Variants in WWP2 observed in about 807,000 individuals in gnomAD.
WWP2 encodes the protein WW domain containing E3 ubiquitin protein ligase 2.
In WWP2, 57 loss-of-function variants were observed where a neutral mutation model predicts 121.0. That is an observed-to-expected ratio of 0.47 (90% CI 0.38 to 0.59). The LOEUF (loss-of-function observed/expected upper bound fraction) is 0.59, where lower values mean the gene tolerates loss of function less well. Ranked by LOEUF, WWP2 falls within the 20% of genes least tolerant of loss-of-function variation. WWP2 has a pLI of 0.00. For missense variants in WWP2, 962 were observed against 1,158.9 expected (o/e 0.83, Z 2.47); for synonymous variants, 449 against 441.3 (o/e 1.02, Z -0.22).
chr16:69,764,414 A>G (rs1567650247), intron 1 of WWP2, among the ~76,000 whole-genome samples: 2 of 152,074 alleles, frequency 1.3e-5, no homozygotes, highest in South Asian at 2.1e-4. Flanking sequence ...GCTGTTTTCA[A>G]ACTCCGGGGC....
At chr16:69,828,292 C>G (rs751697149) in intron 4 of WWP2, among the ~76,000 whole-genome samples, 7 of 152,174 alleles carry the variant, frequency 4.6e-5, no homozygotes, top group Non-Finnish European at 7.4e-5. Flanking sequence ...TCCCAGGAAC[C>G]CTTCTTGATC....
intron 4 of WWP2, among the ~76,000 whole-genome samples, chr16:69,825,053 T>C (rs2056660487): frequency 6.6e-6 from 1 of 152,000 alleles, no homozygotes; most frequent in Non-Finnish European, 1.5e-5. Context: ...TGAGCCACTG[T>C]GCTCGGCCTT....
In WWP2 at chr16:69,876,699, G is replaced by T. The variant is rs113860978; in HGVS notation, c.703+4768G>T. 3.0e-3 allele frequency among the ~76,000 whole-genome samples: 464 copies of T among 152,260 alleles called. 8 individuals are homozygous for T. Among genetic ancestry groups the T allele is most frequent in the African/African-American group, 0.01 (424 of 41,528 alleles). ...TTTCTTAAATAGTAAGACTTGAAAG[G>T]CAAGATGACTCCTTGATCCATGGGC... On this transcript the variant is annotated intron_variant, in intron 7 of 23. Coordinates refer to ENST00000359154, the MANE Select transcript of WWP2 (RefSeq NM_001270454.2).
intron 8 of WWP2, among the ~76,000 whole-genome samples, chr16:69,902,306 G>T (rs554848024): frequency 6.6e-6 from 1 of 152,186 alleles, no homozygotes. Context: ...GGATTGGGAC[G>T]TAGGGTTGGA....
intron 8 of WWP2, among the ~76,000 whole-genome samples, chr16:69,891,801 T>A (rs2058032969): frequency 6.6e-6 from 1 of 152,098 alleles, no homozygotes; most frequent in South Asian, 2.1e-4. Context: ...ATCTTACCCA[T>A]CCCATCCGGG....
intron 1 of WWP2, among the ~76,000 whole-genome samples, chr16:69,766,115 G>A (rs2038723360): frequency 6.6e-6 from 1 of 152,002 alleles, no homozygotes; most frequent in Admixed American, 6.6e-5. Flanking sequence ...ACAAAATTGA[G>A]CCCTACACCT....
chr16:69,905,240 T>C (rs1018460334), intron 8 of WWP2, among the ~76,000 whole-genome samples: 2 of 152,268 alleles, frequency 1.3e-5, no homozygotes, highest in African/African-American at 2.4e-5. Flanking sequence ...TTTTGTCTAA[T>C]GTTTGTCTTT....
At position 69,840,188 on chromosome 16, in the gene WWP2, G is replaced by T; in HGVS notation, c.403G>T (p.Gly135Ter). 1 of 1,614,252 alleles carries T rather than the reference G, an allele frequency of 6.2e-7. No homozygotes were observed. Among genetic ancestry groups the T allele is most frequent in the Non-Finnish European group, 8.5e-7 (1 of 1,180,050 alleles). ...TENKGSVVSG[G>*]ELTIFLDGPT... ...GAACAAAGGCAGCGTTGTCTCAGGC[G>T]GAGAGCTGACAATTTTCCTGGACGG... The change falls in exon 5 of 24, where the codon GGA becomes TGA. Residue 135 changes from glycine to a stop codon, truncating the protein, a stop_gained. Coordinates refer to ENST00000359154, the MANE Select transcript of WWP2 (RefSeq NM_001270454.2). LOFTEE classifies it high-confidence loss of function.
intron 9 of WWP2, chr16:69,909,408 G>A: frequency 1.0e-6 from 1 of 985,798 alleles, no homozygotes. Flanking sequence ...CCCCTGCCCT[G>A]AGTTTGTGGA....
Position 69,908,857 on chromosome 16 carries a change from C to T in WWP2, c.1004+7C>T, listed in dbSNP as rs756927331. 1 of 1,614,164 alleles carries T rather than the reference C, an allele frequency of 6.2e-7. No individual in the cohort carries two copies. The highest frequency in any genetic ancestry group is 8.5e-7 in the Non-Finnish European group (1 of 1,180,022). On this transcript the variant is annotated splice_region_variant and intron_variant, in intron 9 of 23. Coordinates refer to ENST00000359154, the MANE Select transcript of WWP2 (RefSeq NM_001270454.2). ...AGCGGCCCCTTCCTCCAGGGTAGGT[C>T]ATCAACTGAGAAGACCTGAGACTCT...
At chr16:69,792,380 T>C (rs1311004062) in intron 2 of WWP2, among the ~76,000 whole-genome samples, 1 of 152,202 alleles carries the variant, frequency 6.6e-6, no homozygotes, top group Admixed American at 6.6e-5. Context: ...CAGTGTATAA[T>C]TTTGTCTTTA....
chr16:69,842,637 A>G (rs1786871831), intron 6 of WWP2, among the ~76,000 whole-genome samples: 1 of 152,154 alleles, frequency 6.6e-6, no homozygotes, highest in South Asian at 2.1e-4. Flanking sequence ...CTCTCCGGCT[A>G]TATTCATGTC....
intron 9 of WWP2, among the ~76,000 whole-genome samples, chr16:69,914,400 A>T (rs1597153603): frequency 7.3e-6 from 1 of 136,996 alleles, no homozygotes; most frequent in Admixed American, 7.6e-5. Context: ...CCTAGAAAGG[A>T]TCAGGAACCA....
At chr16:69,815,839 C>T (rs2056480267) in intron 4 of WWP2, among the ~76,000 whole-genome samples, 1 of 151,382 alleles carries the variant, frequency 6.6e-6, no homozygotes, top group Non-Finnish European at 1.5e-5. Context: ...ATTATGGCCT[C>T]AACACATGTT....
intron 8 of WWP2, among the ~76,000 whole-genome samples, chr16:69,891,655 CT>C (rs2058030792): frequency 6.6e-6 from 1 of 152,184 alleles, no homozygotes; most frequent in Admixed American, 6.5e-5. Context: ...AGTTCTCCCC[CT>C]GGCTCGACTC....
chr16:69,828,062 A>G (rs1000501537), intron 4 of WWP2: 29 of 369,524 alleles, frequency 7.8e-5, no homozygotes, highest in Non-Finnish European at 1.5e-4. Flanking sequence ...TTGTGTGTGC[A>G]TATGTACTTT....
chr16:69,886,982 A>G (rs1403650411), intron 7 of WWP2, among the ~76,000 whole-genome samples: 1 of 152,244 alleles, frequency 6.6e-6, no homozygotes, highest in Non-Finnish European at 1.5e-5. Flanking sequence ...GCAATCATAT[A>G]TATGGAAAAT....
chr16:69,811,948 A>G (rs766283407), intron 4 of WWP2, among the ~76,000 whole-genome samples: 30 of 152,032 alleles, frequency 2.0e-4, no homozygotes, highest in Non-Finnish European at 3.4e-4. Context: ...CCTAAAGGAG[A>G]AGGATACTAC....
chr16:69,888,393 G>C, intron 8 of WWP2, 144 bp downstream of exon 8: 1 of 830,332 alleles, frequency 1.2e-6, no homozygotes, highest in Non-Finnish European at 1.8e-6. Context: ...AGGGAGGTGT[G>C]GAAGAACTGC....
Sources: allele counts gnomAD v4.1 joint callset (sites outside exome capture counted in the v4.1 genomes callset), GRCh38; gene constraint gnomAD v4.1.1; transcripts MANE v1.5; gene names NCBI Gene and HGNC (gene_info 2026-07-23, HGNC 2026-07-21).